Variants in MCF2L2 observed in about 807,000 individuals in gnomAD.
The protein encoded by MCF2L2 is probable guanine nucleotide exchange factor MCF2L2.
MCF2L2 carries 102 observed loss-of-function variants against 150.2 expected under a neutral mutation model. The observed-to-expected ratio is 0.68, with a 90% confidence interval of 0.58 to 0.80. The LOEUF is 0.80. Ranked by LOEUF, MCF2L2 falls within the 30% of genes least tolerant of loss-of-function variation. The pLI is 0.00. For synonymous variants in MCF2L2, 465 were observed against 491.3 expected, an observed-to-expected ratio of 0.95 and a Z score of 0.71; for missense variants, 1,256 against 1,372.8, an observed-to-expected ratio of 0.91 and a Z score of 1.34.
intron 3 of MCF2L2, among the ~76,000 whole-genome samples, chr3:183,370,694 C>T (rs142159357): frequency 6.6e-6 from 1 of 152,242 alleles, no homozygotes; most frequent in African/African-American, 2.4e-5. Context: ...AACATCAGAC[C>T]CCTAGTTTTT....
intron 2 of MCF2L2, among the ~76,000 whole-genome samples, chr3:183,388,938 T>C (rs1000394650): frequency 6.6e-6 from 1 of 152,210 alleles, no homozygotes; most frequent in Non-Finnish European, 1.5e-5. Context: ...GTAACTAAGA[T>C]GGCTTTGTTG....
intron 25 of MCF2L2, among the ~76,000 whole-genome samples, chr3:183,204,681 A>T (rs960064242): frequency 6.6e-6 from 1 of 152,174 alleles, no homozygotes; most frequent in Non-Finnish European, 1.5e-5. Flanking sequence ...GGAAATAAAG[A>T]TTCATACAAA....
chr3:183,189,237 C>T (rs1721796858), intron 27 of MCF2L2, among the ~76,000 whole-genome samples: 1 of 152,190 alleles, frequency 6.6e-6, no homozygotes, highest in Non-Finnish European at 1.5e-5. Context: ...CACTGGGGTG[C>T]CTAAGAGGAA....
rs1391790224 is a variant in MCF2L2 at position 183,197,762 on chromosome 3, C to T, written c.2885-2507G>A. On this transcript the variant is annotated intron_variant, in intron 25 of 29. Transcript: ENST00000328913. The surrounding 1 kb of genome is among the most constrained non-coding windows in gnomAD (Gnocchi z 4.5). The stretch of plus-strand genomic sequence containing the variant: ...CTCTCAAAAGTCAATAATAAGAAAA[C>T]AATGAGCAAAAGATTTGAACAGACA... 6.6e-6 allele frequency among the ~76,000 whole-genome samples: 1 copy of T among 151,950 alleles called. No individual in the cohort carries two copies. The highest frequency in any genetic ancestry group is 1.5e-5 in the Non-Finnish European group (1 of 67,980).
chr3:183,421,711 G>A (rs1223963892), intron 1 of MCF2L2, among the ~76,000 whole-genome samples: 1 of 152,180 alleles, frequency 6.6e-6, no homozygotes, highest in African/African-American at 2.4e-5. Context: ...TTTGTTTGAA[G>A]GTCTCATAAA....
intron 27 of MCF2L2, chr3:183,180,378 G>T: frequency 3.9e-6 from 2 of 509,648 alleles, no homozygotes; most frequent in Non-Finnish European, 7.0e-6. Context: ...GAGAAGGCGC[G>T]TCCACATGCT....
intron 1 of MCF2L2, among the ~76,000 whole-genome samples, chr3:183,408,716 G>A (rs1715170209): frequency 6.6e-6 from 1 of 152,186 alleles, no homozygotes; most frequent in South Asian, 2.1e-4. Flanking sequence ...TCTAACAATA[G>A]GTAGAAAAAA....
chr3:183,363,078 A>G (rs1712309438), intron 3 of MCF2L2, among the ~76,000 whole-genome samples: 1 of 138,594 alleles, frequency 7.2e-6, no homozygotes, highest in East Asian at 2.2e-4. Flanking sequence ...GGGAATTGCA[A>G]ATTAAAACAA....
intron 3 of MCF2L2, among the ~76,000 whole-genome samples, chr3:183,365,630 C>G (rs1712475592): frequency 6.8e-6 from 1 of 147,540 alleles, no homozygotes; most frequent in African/African-American, 2.6e-5. Context: ...TCAGAGCTGA[C>G]AGTAAAAATA....
intron 5 of MCF2L2, among the ~76,000 whole-genome samples, chr3:183,325,522 T>C (rs1371507417): frequency 6.6e-6 from 1 of 152,186 alleles, no homozygotes; most frequent in East Asian, 1.9e-4. Flanking sequence ...AAACCACTTA[T>C]GGGAGTTTTT....
chr3:183,281,245 A>C (rs1025500098), intron 14 of MCF2L2, among the ~76,000 whole-genome samples: 1 of 152,148 alleles, frequency 6.6e-6, no homozygotes, highest in Admixed American at 6.5e-5. Flanking sequence ...ATTTGCCCAC[A>C]GCCTCAGTCC....
chr3:183,378,983 A>T, intron 3 of MCF2L2: 1 of 230,872 alleles, frequency 4.3e-6, no homozygotes, highest in South Asian at 1.3e-4. Context: ...TCTCAAAAAT[A>T]AAAAATGAAA....
At chr3:183,279,175 A>G (rs779248493) in intron 14 of MCF2L2, among the ~76,000 whole-genome samples, 1 of 151,996 alleles carries the variant, frequency 6.6e-6, no homozygotes, top group African/African-American at 2.4e-5. Flanking sequence ...ACACACACAC[A>G]TACACACACA....
chr3:183,322,777 C>T (rs1267957223), intron 6 of MCF2L2, among the ~76,000 whole-genome samples: 1 of 152,028 alleles, frequency 6.6e-6, no homozygotes, highest in Non-Finnish European at 1.5e-5. Flanking sequence ...AATCCTTGTC[C>T]CCCTCCCACC....
rs778460140 is a variant in MCF2L2 at position 183,216,102 on chromosome 3, A to G, written c.2371-8T>C. The G allele has an allele frequency of 6.8e-6, 11 of 1,612,216 alleles. No individual in the cohort carries two copies. Among genetic ancestry groups the G allele is most frequent in the Middle Eastern group, 1.6e-4 (1 of 6,072 alleles). The stretch of plus-strand genomic sequence containing the variant: ...GGTTCTCTTTGGCCCATCCTGTGGA[A>G]AACAAATGCCTTGTTGGAAATCAAA... On this transcript the variant is annotated splice_polypyrimidine_tract_variant and splice_region_variant and intron_variant, in intron 21 of 29. Transcript: ENST00000328913.
At chr3:183,183,856 T>C (rs1721607623) in intron 27 of MCF2L2, among the ~76,000 whole-genome samples, 2 of 152,054 alleles carry the variant, frequency 1.3e-5, no homozygotes, top group Non-Finnish European at 2.9e-5. Context: ...CTCATCCTCA[T>C]AAACACTCAG....
intron 15 of MCF2L2, 69 bp from the exon 16 acceptor site, chr3:183,231,086 TTC>T (rs1452615424): frequency 2.5e-6 from 3 of 1,183,256 alleles, no homozygotes; most frequent in Non-Finnish European, 3.8e-6. Context: ...TCTTTTAGAA[TTC>T]TGTTAGAATA....
intron 12 of MCF2L2, 123 bp from the exon 13 acceptor site, chr3:183,295,600 C>T (rs1728455989): frequency 1.1e-6 from 1 of 881,948 alleles, no homozygotes. Context: ...AGGTGACCCC[C>T]TCTGGGCATC....
chr3:183,249,393 G>A (rs1016503971), intron 15 of MCF2L2, among the ~76,000 whole-genome samples: 7 of 152,204 alleles, frequency 4.6e-5, no homozygotes, highest in Non-Finnish European at 8.8e-5. Flanking sequence ...AGCCAGCAGG[G>A]CCTGCCCCTC....
Sources: gnomAD v4.1 joint callset for allele counts (sites outside exome capture counted in the v4.1 genomes callset) on GRCh38, gnomAD v4.1.1 for gene constraint, Gnocchi (gnomAD v3.1) non-coding constraint, MANE v1.5 for transcripts, NCBI Gene and HGNC (gene_info 2026-07-23, HGNC 2026-07-21) for gene names.